Variants in PHACTR2 observed in about 807,000 individuals in gnomAD.
The protein encoded by PHACTR2 is phosphatase and actin regulator 2.
Under a neutral mutation model 76.0 loss-of-function variants are expected in PHACTR2, and 30 were observed. The ratio of observed to expected loss-of-function variants is 0.39; its 90% CI spans 0.30 to 0.54. The LOEUF is 0.54. PHACTR2 is among the 20% of genes least tolerant of loss of function. PHACTR2 has a pLI of 0.61. For synonymous variants in PHACTR2, 292 were observed against 292.5 expected (o/e 1.00, Z 0.02); for missense variants, 696 against 781.1 (o/e 0.89, Z 1.30).
rs1775752210 is a variant in PHACTR2, at chr6:143,596,094, T to C, written c.217+58887T>C. Reference sequence around the variant, plus strand: ...AATTTAGATAATTTACTAATCATTATGCTTATTAAGTAATTTAACTATCTC... The same window carrying C: ...AATTTAGATAATTTACTAATCATTACGCTTATTAAGTAATTTAACTATCTC... On this transcript the variant is annotated intron_variant, in intron 1 of 11. Coordinates refer to the PHACTR2 transcript ENST00000367584. The surrounding 1 kb of genome is among the most constrained non-coding windows in gnomAD (Gnocchi z 4.6). 6.6e-6 allele frequency among the ~76,000 whole-genome samples: 1 copy of C among 152,270 alleles called. No individual in the cohort carries two copies. Among genetic ancestry groups the C allele is most frequent in the Non-Finnish European group, 1.5e-5 (1 of 68,052 alleles).
Position 143,712,019 on chromosome 6 carries a change from A to G in PHACTR2, c.50A>G (p.Asp17Gly). The change falls in exon 2 of 13, where the codon GAC (aspartate) becomes GGC (glycine). Residue 17 changes from aspartate to glycine, a missense_variant. This residue lies in a region of PHACTR2 where 460 missense variants were observed against 450.9 expected (regional missense o/e 1.02). Transcript: ENST00000440869. ...STLSPQPGSV[D>G]GLDKASIANS... is the part of the protein sequence containing the mutation. Reference sequence around the variant, plus strand: ...GTCTATATCTTTCTTTATACAGTTGACGGACTGGACAAAGCTTCTATAGCA... The same window carrying G: ...GTCTATATCTTTCTTTATACAGTTGGCGGACTGGACAAAGCTTCTATAGCA... 2 of 1,594,712 alleles carry G rather than the reference A, an allele frequency of 1.3e-6. No individual in the cohort carries two copies. The highest frequency in any genetic ancestry group is 1.7e-6 in the Non-Finnish European group (2 of 1,171,428).
rs1399112368 is a variant in PHACTR2 at position 143,583,386 on chromosome 6, T to C, written c.217+46179T>C. Among the ~76,000 whole-genome samples, 1 of 152,256 alleles carries C rather than the reference T, an allele frequency of 6.6e-6. No homozygotes were observed. Among genetic ancestry groups the C allele is most frequent in the East Asian group, 1.9e-4 (1 of 5,208 alleles). On this transcript the variant is annotated intron_variant, in intron 1 of 11. Coordinates refer to the PHACTR2 transcript ENST00000367584. This position sits in a 1 kb window ranked among gnomAD's most constrained non-coding sequence, Gnocchi z 4.0. ...AATGACAATATGATCCCTTTCTCAC[T>C]TTTATGATTGGTAAAAAATTGGTTT...
At position 143,680,870 on chromosome 6, in the gene PHACTR2, G is replaced by A. The variant is rs551847517; in HGVS notation, c.46+2661G>A. Among the ~76,000 whole-genome samples, 1 of 152,218 alleles carries A rather than the reference G, an allele frequency of 6.6e-6. No homozygotes were observed. Among genetic ancestry groups the A allele is most frequent in the South Asian group, 2.1e-4 (1 of 4,824 alleles). ...CAATGGAATCATAATGTGTCATTTT[G>A]TGACTGGCTTCTTTCAGTTAGCATA... On this transcript the variant is annotated intron_variant, in intron 1 of 12. Transcript: ENST00000440869. The surrounding 1 kb of genome is among the most constrained non-coding windows in gnomAD (Gnocchi z 4.5).
Position 143,789,388 on chromosome 6 carries a change from T to G in PHACTR2, c.1845+478T>G, listed in dbSNP as rs1167708367. The G allele has an allele frequency of 6.5e-6, 1 of 155,012 alleles. No individual in the cohort carries two copies. The highest frequency in any genetic ancestry group is 1.4e-5 in the Non-Finnish European group (1 of 69,524). 9.6% of individuals were successfully genotyped at this position (155,012 alleles called of 1,614,324 possible). A position where few individuals can be genotyped will look rare whatever the true frequency, so the allele number is the denominator to read the frequency against. ...GAAAACAGCCACAGACAATGTGTAA[T>G]TGAATGGATATGTATATGCTCCAAT... On this transcript the variant is annotated intron_variant, in intron 11 of 12. Transcript: ENST00000440869. The surrounding 1 kb of genome is among the most constrained non-coding windows in gnomAD (Gnocchi z 5.1).
chr6:143,693,434 C>G (rs532844395), intron 1 of PHACTR2, among the ~76,000 whole-genome samples: 6 of 152,222 alleles, frequency 3.9e-5, no homozygotes, highest in African/African-American at 9.6e-5. Context: ...GACGGGGTTT[C>G]GCCCTGTTGG....
At chr6:143,721,341 G>A (rs189867564) in intron 2 of PHACTR2, among the ~76,000 whole-genome samples, 7 of 152,298 alleles carry the variant, frequency 4.6e-5, no homozygotes, top group Admixed American at 2.6e-4. Flanking sequence ...CCCATAATAC[G>A]CCTGAAGCCT....
chr6:143,542,109 G>T (rs1040640487), intron 1 of PHACTR2, among the ~76,000 whole-genome samples: 2 of 152,182 alleles, frequency 1.3e-5, no homozygotes, highest in Non-Finnish European at 2.9e-5. Context: ...CCCTGCCCAG[G>T]CCAGCTCGGA....
At chr6:143,815,960 C>T (rs1423452528) in intron 12 of PHACTR2, among the ~76,000 whole-genome samples, 3 of 151,732 alleles carry the variant, frequency 2.0e-5, no homozygotes, top group Admixed American at 6.6e-5. Context: ...ATAAAGGAAC[C>T]GCCTTTATTG....
In PHACTR2 at chr6:143,580,696, A is replaced by G. The variant is rs1775562402; in HGVS notation, c.217+43489A>G. On this transcript the variant is annotated intron_variant, in intron 1 of 11. Transcript: ENST00000367584. The surrounding 1 kb of genome is among the most constrained non-coding windows in gnomAD (Gnocchi z 4.2). ...TCAAAAAATAAAATAAAATAAAACA[A>G]TAAAAAATAAAAGAAGGGAGCCACT... Among the ~76,000 whole-genome samples the G allele has an allele frequency of 6.6e-6, 1 of 152,180 alleles. No homozygotes were observed. Among genetic ancestry groups the G allele is most frequent in the Admixed American group, 6.5e-5 (1 of 15,280 alleles).
rs1361225544 is a variant in PHACTR2 at position 143,598,066 on chromosome 6, A to G, written c.217+60859A>G. 6.6e-6 allele frequency among the ~76,000 whole-genome samples: 1 copy of G among 152,172 alleles called. No individual in the cohort carries two copies. The highest frequency in any genetic ancestry group is 1.5e-5 in the Non-Finnish European group (1 of 68,038). On this transcript the variant is annotated intron_variant, in intron 1 of 11. Transcript: ENST00000367584. This position sits in a 1 kb window ranked among gnomAD's most constrained non-coding sequence, Gnocchi z 4.1. ...TGTAGTTTGTTAAGACAGTGATGATATAGTAGGTCGAAGAATGCCCCCCGC... is the reference window on the plus strand; with the variant it reads ...TGTAGTTTGTTAAGACAGTGATGATGTAGTAGGTCGAAGAATGCCCCCCGC...
rs1775912361 is a variant in PHACTR2 at position 143,608,248 on chromosome 6, G to A, written c.-62G>A. 6.3e-7 allele frequency: 1 copy of A among 1,595,144 alleles called. No homozygotes were observed. Among genetic ancestry groups the A allele is most frequent in the South Asian group, 1.1e-5 (1 of 90,378 alleles). ...AGCAGAAGGACAGGGTGCTTCGTTAGTCAGAAGAGCCAGGGCTTCCCGGCT... is the reference window on the plus strand; with the variant it reads ...AGCAGAAGGACAGGGTGCTTCGTTAATCAGAAGAGCCAGGGCTTCCCGGCT... On this transcript the variant is annotated 5_prime_UTR_variant, in exon 1 of 12. Transcript: ENST00000305766. The surrounding 1 kb of genome is among the most constrained non-coding windows in gnomAD (Gnocchi z 4.6).
At position 143,539,127 on chromosome 6, in the gene PHACTR2, A is replaced by G. The variant is rs1781149304; in HGVS notation, c.217+1920A>G. Among the ~76,000 whole-genome samples the G allele has an allele frequency of 6.6e-6, 1 of 152,252 alleles. No individual in the cohort carries two copies. Among genetic ancestry groups the G allele is most frequent in the Admixed American group, 6.5e-5 (1 of 15,288 alleles). On this transcript the variant is annotated intron_variant, in intron 1 of 11. Coordinates refer to the PHACTR2 transcript ENST00000367584. The surrounding 1 kb of genome is among the most constrained non-coding windows in gnomAD (Gnocchi z 4.3). ...CCTGTATGCCGAAAAAGGACAGCAA[A>G]GACATTTAAAATGTGAGTGTGCAAA...
upstream of PHACTR2, among the ~76,000 whole-genome samples, chr6:143,674,424 T>G (rs761286126): frequency 2.0e-5 from 3 of 152,184 alleles, no homozygotes; most frequent in Non-Finnish European, 4.4e-5. The surrounding 1 kb of genome is among the most constrained non-coding windows in gnomAD (Gnocchi z 4.9). Flanking sequence ...AAGAAATAAT[T>G]TTTCTATTGC....
In PHACTR2 at chr6:143,800,010, G is replaced by T. The variant is rs1486750370; in HGVS notation, c.1846-7047G>T. 2.0e-5 allele frequency among the ~76,000 whole-genome samples: 3 copies of T among 152,160 alleles called. No homozygotes were observed. The highest frequency in any genetic ancestry group is 3.8e-4 in the East Asian group (2 of 5,202). On this transcript the variant is annotated intron_variant, in intron 11 of 12. Coordinates refer to ENST00000440869, the MANE Select transcript of PHACTR2 (RefSeq NM_001100164.2). The surrounding 1 kb of genome is among the most constrained non-coding windows in gnomAD (Gnocchi z 4.8). ...AAAGTCTCCCATTATTATTGTGTGG[G>T]AGTCTAAGTTTCTTTGTAAGTCTCT...
intron 2 of PHACTR2, among the ~76,000 whole-genome samples, chr6:143,740,500 C>A (rs1363817202): frequency 6.3e-5 from 2 of 31,806 alleles, no homozygotes; most frequent in African/African-American, 3.2e-4. Context: ...ACAAAACATC[C>A]TTTTAATTAA....
chr6:143,768,074 G>C (rs1373658958), intron 6 of PHACTR2, among the ~76,000 whole-genome samples: 1 of 152,176 alleles, frequency 6.6e-6, no homozygotes, highest in Non-Finnish European at 1.5e-5. Flanking sequence ...TTGACCTTGT[G>C]ATCCGCCTGC....
At chr6:143,771,482 G>C (rs1775139681) in intron 6 of PHACTR2, among the ~76,000 whole-genome samples, 1 of 151,118 alleles carries the variant, frequency 6.6e-6, no homozygotes, top group Non-Finnish European at 1.5e-5. Context: ...TGTTGCCCAG[G>C]CTGGAGTGCA....
At position 143,753,029 on chromosome 6, in the gene PHACTR2, A is replaced by C. The variant is rs1779220374; in HGVS notation, c.296-725A>C. 6.6e-6 allele frequency among the ~76,000 whole-genome samples: 1 copy of C among 151,936 alleles called. No individual in the cohort carries two copies. The highest frequency in any genetic ancestry group is 2.4e-5 in the African/African-American group (1 of 41,398). On this transcript the variant is annotated intron_variant, in intron 3 of 12. Coordinates refer to ENST00000440869, the MANE Select transcript of PHACTR2 (RefSeq NM_001100164.2). The surrounding 1 kb of genome is among the most constrained non-coding windows in gnomAD (Gnocchi z 4.6). ...ACATTGTATCCATTATGGTTTTTTAAAATTCCTTTGTGATTACTTTTTTAT... is the reference window on the plus strand; with the variant it reads ...ACATTGTATCCATTATGGTTTTTTACAATTCCTTTGTGATTACTTTTTTAT...
At chr6:143,669,601 G>A (rs1255995408) in intron 1 of PHACTR2, among the ~76,000 whole-genome samples, 1 of 152,086 alleles carries the variant, frequency 6.6e-6, no homozygotes, top group Non-Finnish European at 1.5e-5. Context: ...TCTTCTTGTT[G>A]CATCGATCCC....
Sources: allele counts gnomAD v4.1 joint callset (sites outside exome capture counted in the v4.1 genomes callset), GRCh38; gene constraint gnomAD v4.1.1; regional missense constraint gnomAD v4.1.1; non-coding constraint Gnocchi (gnomAD v3.1); transcripts MANE v1.5; gene names NCBI Gene and HGNC (gene_info 2026-07-23, HGNC 2026-07-21).